Variants in TEX9 observed in about 807,000 individuals in gnomAD.
TEX9 encodes testis expressed 9, also known as testis-expressed protein 9.
Under a neutral mutation model 59.6 loss-of-function variants are expected in TEX9, and 74 were observed. That is an observed-to-expected ratio of 1.24 (90% CI 1.03 to 1.51). TEX9 has a LOEUF of 1.51. Among genes scored for constraint, TEX9 ranks in the 40% most tolerant of loss-of-function variants. The pLI is 0.00. For synonymous variants in TEX9, 186 were observed against 152.2 expected (o/e 1.22, Z -1.64); for missense variants, 522 against 447.8 (o/e 1.17, Z -1.49).
intron 1 of TEX9, among the ~76,000 whole-genome samples, chr15:56,254,044 A>C (rs189258300): frequency 6.6e-6 from 1 of 152,280 alleles, no homozygotes; most frequent in African/African-American, 2.4e-5. Context: ...GAGTTAATTC[A>C]AAAATCCTGT....
chr15:56,315,084 TG>T (rs1161048145), intron 1 of TEX9, among the ~76,000 whole-genome samples: 1 of 151,468 alleles, frequency 6.6e-6, no homozygotes, highest in Non-Finnish European at 1.5e-5. Context: ...AGCACAGTGA[TG>T]GGTCTTAACT....
chr15:56,445,802 G>C (rs946862864), exon 13 of TEX9: 2 of 151,990 alleles, frequency 1.3e-5, no homozygotes, highest in African/African-American at 4.8e-5. Context: ...TCTCGTAGGA[G>C]TCAGATTAAA....
chr15:56,396,428 C>CA (rs1261473300), intron 9 of TEX9: 1 of 152,142 alleles, frequency 6.6e-6, no homozygotes, highest in Admixed American at 6.6e-5. Flanking sequence ...ATCAGCCCCC[C>CA]AAAATTCCCT....
intron 1 of TEX9, among the ~76,000 whole-genome samples, chr15:56,286,945 A>G (rs2044967726): frequency 6.6e-6 from 1 of 152,146 alleles, no homozygotes; most frequent in Non-Finnish European, 1.5e-5. Flanking sequence ...TTATTTCTAT[A>G]GTCCCCTTCC....
At chr15:56,339,403 A>ACAAACAG (rs1365653731) in intron 1 of TEX9, among the ~76,000 whole-genome samples, 1 of 145,102 alleles carries the variant, frequency 6.9e-6, no homozygotes. Context: ...AAAAAAAAAA[A>ACAAACAG]AAAAAAAAAA....
intron 12 of TEX9, chr15:56,428,580 TTTTTAGA>T (rs1452814308): frequency 6.6e-6 from 4 of 608,528 alleles, no homozygotes; most frequent in Non-Finnish European, 1.1e-5. Context: ...AAGAATTCCC[TTTTTAGA>T]TTTAGGAGAT....
intron 1 of TEX9, among the ~76,000 whole-genome samples, chr15:56,331,195 T>C (rs2046131827): frequency 6.6e-6 from 1 of 152,142 alleles, no homozygotes; most frequent in African/African-American, 2.4e-5. Flanking sequence ...GACCTCAATA[T>C]AATAATAGCT....
At chr15:56,328,003 C>A (rs2046061100) in intron 1 of TEX9, among the ~76,000 whole-genome samples, 1 of 152,012 alleles carries the variant, frequency 6.6e-6, no homozygotes, top group South Asian at 2.1e-4. Flanking sequence ...AGACACCAGC[C>A]AGGGCAGCTA....
exon 3 of TEX9, chr15:56,373,481 G>C (rs1373138353): frequency 1.3e-6 from 2 of 1,575,974 alleles, no homozygotes; most frequent in Non-Finnish European, 1.7e-6. Context: ...AGCTGACGTG[G>C]TTCAACAAGC....
chr15:56,391,511 G>A, intron 7 of TEX9, 93 bp downstream of exon 7: 1 of 840,010 alleles, frequency 1.2e-6, no homozygotes, highest in African/African-American at 1.8e-5. Flanking sequence ...TTAAAAAAAT[G>A]TATTGTGATG....
chr15:56,435,860 A>ACC (rs2140335369), intron 12 of TEX9, among the ~76,000 whole-genome samples: 1 of 152,180 alleles, frequency 6.6e-6, no homozygotes, highest in East Asian at 1.9e-4. Context: ...AAAATTACAG[A>ACC]CCAATATTCC....
At chr15:56,260,378 T>G (rs1328089062) in intron 1 of TEX9, among the ~76,000 whole-genome samples, 8 of 152,038 alleles carry the variant, frequency 5.3e-5, no homozygotes, top group African/African-American at 1.9e-4. Context: ...TACATAAACT[T>G]TATCATATTA....
At chr15:56,424,945 A>G (rs1407965495) in intron 10 of TEX9, among the ~76,000 whole-genome samples, 2 of 152,168 alleles carry the variant, frequency 1.3e-5, no homozygotes, top group Non-Finnish European at 2.9e-5. Context: ...TACAGTGGTA[A>G]TGAAGTTCCT....
chr15:56,436,863 T>G (rs1310220622), intron 12 of TEX9, among the ~76,000 whole-genome samples: 1 of 152,126 alleles, frequency 6.6e-6, no homozygotes, highest in Non-Finnish European at 1.5e-5. Flanking sequence ...AAGAAATGGA[T>G]AAATTCCTGG....
chr15:56,275,574 A>G (rs1199446508), intron 1 of TEX9, among the ~76,000 whole-genome samples: 2 of 152,086 alleles, frequency 1.3e-5, no homozygotes, highest in African/African-American at 2.4e-5. Context: ...AATCTTATAT[A>G]CTTTTTAGTG....
downstream of TEX9, among the ~76,000 whole-genome samples, chr15:56,448,683 C>T (rs1264689161): frequency 6.6e-6 from 1 of 151,718 alleles, no homozygotes; most frequent in Non-Finnish European, 1.5e-5. Flanking sequence ...ATGAATAGCA[C>T]AGCAATAAAC....
intron 12 of TEX9, among the ~76,000 whole-genome samples, chr15:56,442,188 A>G (rs901283954): frequency 6.6e-5 from 10 of 152,188 alleles, no homozygotes; most frequent in Non-Finnish European, 1.3e-4. Context: ...ATGAGATACT[A>G]TCTCACATCA....
chr15:56,301,073 C>G (rs1460067168), intron 1 of TEX9, among the ~76,000 whole-genome samples: 1 of 152,108 alleles, frequency 6.6e-6, no homozygotes, highest in African/African-American at 2.4e-5. Context: ...ACAGAGAATT[C>G]AAAATAGCTT....
intron 9 of TEX9, among the ~76,000 whole-genome samples, chr15:56,405,255 C>T (rs2049019487): frequency 6.7e-6 from 1 of 150,350 alleles, no homozygotes; most frequent in Non-Finnish European, 1.5e-5. Context: ...TGCGGTAAGC[C>T]TAGATGTCGC....
Sources: allele counts gnomAD v4.1 joint callset (sites outside exome capture counted in the v4.1 genomes callset), GRCh38; gene constraint gnomAD v4.1.1; transcripts MANE v1.5; gene names NCBI Gene and HGNC (gene_info 2026-07-23, HGNC 2026-07-21).